MELTF: variants seen among roughly 807,000 people sequenced by gnomAD.
The protein encoded by MELTF is melanotransferrin, also known as antigen p97 (melanoma associated) identified by monoclonal antibodies 133.2 and 96.5.
MELTF carries 67 observed loss-of-function variants against 83.7 expected under a neutral mutation model. The observed-to-expected ratio is 0.80, with a 90% CI of 0.66 to 0.98. The LOEUF is 0.98. Among genes scored for constraint, MELTF ranks in the 50% least tolerant of loss-of-function variants. The probability of loss-of-function intolerance (pLI) is 0.00; values close to 1 mark genes in which losing one functional copy is unlikely to be tolerated. For synonymous variants in MELTF, 462 were observed against 447.6 expected (o/e 1.03, Z -0.41); for missense variants, 1,002 against 1,035.6 (o/e 0.97, Z 0.44).
intron 14 of MELTF, among the ~76,000 whole-genome samples, chr3:197,005,013 G>A (rs114046770): frequency 2.4e-3 from 361 of 152,130 alleles, no homozygotes; most frequent in African/African-American, 8.1e-3. Context: ...AGGAACATGC[G>A]TCAGTTCACA....
chr3:197,022,281 C>T lies in MELTF; in HGVS notation c.644+676G>A, dbSNP rs183498525. ...AGAGGGCTCTGAGGCTCCAAGAGAG[C>T]CAGAGAGAATGTGTGCATGGCCAAG... is the stretch of plus-strand genomic sequence containing the variant. On this transcript the variant is annotated intron_variant, in intron 5 of 15. Coordinates refer to ENST00000296350, the MANE Select transcript of MELTF (RefSeq NM_005929.6). The surrounding 1 kb of genome is among the most constrained non-coding windows in gnomAD (Gnocchi z 5.1). Among the ~76,000 whole-genome samples, 39 of 152,204 alleles carry T rather than the reference C, an allele frequency of 2.6e-4. No homozygotes were observed. The East Asian group carries it at 6.6e-3, about 26-fold the overall frequency.
At chr3:197,019,581 C>A (rs774221671) in intron 6 of MELTF, 39 of 1,583,480 alleles carry the variant, frequency 2.5e-5, no homozygotes, top group East Asian at 4.5e-5. Context: ...TCAAAAAAAA[C>A]CCCAAGTTTG....
At position 197,003,701 on chromosome 3, in the gene MELTF, C is replaced by A; in HGVS notation, c.2137+200G>T. The A allele has an allele frequency of 5.8e-6, 4 of 691,406 alleles. No individual in the cohort carries two copies. Among genetic ancestry groups the A allele is most frequent in the South Asian group, 5.7e-5 (3 of 52,666 alleles). The allele number at this position is 691,406 out of a possible 1,614,324, so 42.8% of individuals were successfully genotyped here. A position where few individuals can be genotyped will look rare whatever the true frequency, so the allele number is the denominator to read the frequency against. On this transcript the variant is annotated intron_variant, in intron 15 of 15. Coordinates refer to ENST00000296350, the MANE Select transcript of MELTF (RefSeq NM_005929.6). This position sits in a 1 kb window ranked among gnomAD's most constrained non-coding sequence, Gnocchi z 6.2. ...AGCGTTCACACTCATTACCCAGGTCCGTCTGGGAGACCCGCCGGGCTCCCG... is the reference window on the plus strand; with the variant it reads ...AGCGTTCACACTCATTACCCAGGTCAGTCTGGGAGACCCGCCGGGCTCCCG...
Position 197,022,451 on chromosome 3 carries a change from G to A in MELTF, c.644+506C>T, listed in dbSNP as rs980145549. On this transcript the variant is annotated intron_variant, in intron 5 of 15. Coordinates refer to ENST00000296350, the MANE Select transcript of MELTF (RefSeq NM_005929.6). This position sits in a 1 kb window ranked among gnomAD's most constrained non-coding sequence, Gnocchi z 5.1. Reference sequence around the variant, plus strand: ...TTCCCTGCTCCAGGTGGAAACGTGAGGTAGCTAGAGGGGCCCGAGAAGCTT... The same window carrying A: ...TTCCCTGCTCCAGGTGGAAACGTGAAGTAGCTAGAGGGGCCCGAGAAGCTT... Among the ~76,000 whole-genome samples, 2 of 152,220 alleles carry A rather than the reference G, an allele frequency of 1.3e-5. No homozygotes were observed. Among genetic ancestry groups the A allele is most frequent in the South Asian group, 4.1e-4 (2 of 4,828 alleles).
chr3:197,028,029 G>T, intron 1 of MELTF, 119 bp from the exon 2 acceptor site: 1 of 1,226,052 alleles, frequency 8.2e-7, no homozygotes, highest in Non-Finnish European at 1.1e-6. Context: ...GTCCTCTAGG[G>T]CAGCCCTGCC....
chr3:197,027,119 T>C (rs1195254932), intron 2 of MELTF: 2 of 267,986 alleles, frequency 7.5e-6, no homozygotes, highest in African/African-American at 4.4e-5. Flanking sequence ...CTAGCTTTTT[T>C]TCTCTAAGGT....
At chr3:197,009,562 C>G in intron 11 of MELTF, 56 bp downstream of exon 11, 1 of 1,540,470 alleles carries the variant, frequency 6.5e-7, no homozygotes. Flanking sequence ...CTGCGGGTCC[C>G]TAGCTAACCC....
rs1719621659 is a variant in MELTF, at chr3:197,021,468, G to T, written c.648C>A (p.Cys216Ter). The change falls in exon 6 of 16, where the codon TGC becomes TGA. Residue 216 changes from cysteine to a stop codon, truncating the protein, a stop_gained. Transcript: ENST00000296350. LOFTEE classifies it high-confidence loss of function. ...RYYDYSGAFR[C>*]LAEGAGDVAF... ...CCACGTCCCCTGCCCCTTCCGCCAG[G>T]CACCTGCGGAGGAGAAGCTGTGGGT... The T allele has an allele frequency of 6.2e-7, 1 of 1,613,494 alleles. No individual in the cohort carries two copies. Among genetic ancestry groups the T allele is most frequent in the Admixed American group, 1.7e-5 (1 of 60,002 alleles).
At chr3:197,020,368 C>T (rs911115830) in intron 6 of MELTF, among the ~76,000 whole-genome samples, 14 of 152,110 alleles carry the variant, frequency 9.2e-5, no homozygotes, top group Admixed American at 5.2e-4. Context: ...ATCAAAGTTG[C>T]GTGTCCTGAT....
intron 1 of MELTF, 133 bp from the exon 2 acceptor site, chr3:197,028,043 C>T: frequency 9.7e-7 from 1 of 1,030,234 alleles, no homozygotes; most frequent in Non-Finnish European, 1.4e-6. Flanking sequence ...CCCTGCCCTC[C>T]CACAGGGAGG....
chr3:197,003,635 T>A lies in MELTF; in HGVS notation c.2138-184A>T. ...TTTCCAGAAAGGCAGCACACGCATGTCTCTGCCGTGGCCCCAGATCCTCCC... is the reference window on the plus strand; with the variant it reads ...TTTCCAGAAAGGCAGCACACGCATGACTCTGCCGTGGCCCCAGATCCTCCC... On this transcript the variant is annotated intron_variant, in intron 15 of 15. Coordinates refer to ENST00000296350, the MANE Select transcript of MELTF (RefSeq NM_005929.6). The surrounding 1 kb of genome is among the most constrained non-coding windows in gnomAD (Gnocchi z 6.2). 1 of 659,682 alleles carries A rather than the reference T, an allele frequency of 1.5e-6. No homozygotes were observed. Among genetic ancestry groups the A allele is most frequent in the Non-Finnish European group, 2.5e-6 (1 of 400,844 alleles). 40.9% of individuals were successfully genotyped at this position (659,682 alleles called of 1,614,324 possible).
chr3:197,026,936 G>A, intron 2 of MELTF, 177 bp from the exon 3 acceptor site: 1 of 572,744 alleles, frequency 1.7e-6, no homozygotes, highest in Admixed American at 3.0e-5. Flanking sequence ...CCCAGGCCAG[G>A]GATTCACCTT....
intron 14 of MELTF, chr3:197,004,846 G>A (rs1393474302): frequency 6.6e-6 from 1 of 152,258 alleles, no homozygotes; most frequent in African/African-American, 2.4e-5. Context: ...CTGAAGATCT[G>A]ATGAAAGCTG....
chr3:197,015,935 C>A (rs1719353415), intron 8 of MELTF, among the ~76,000 whole-genome samples: 1 of 152,102 alleles, frequency 6.6e-6, no homozygotes, highest in Non-Finnish European at 1.5e-5. Flanking sequence ...GGCGAGGAGA[C>A]CCTTCCCAAG....
At chr3:197,026,899 A>C (rs772457939) in intron 2 of MELTF, 140 bp from the exon 3 acceptor site, 32 of 649,390 alleles carry the variant, frequency 4.9e-5, no homozygotes, top group Non-Finnish European at 7.9e-5. Flanking sequence ...CCAGGAGCCC[A>C]ACCAGAGCCC....
Position 197,029,034 on chromosome 3 carries a change from A to G in MELTF, c.49+620T>C, listed in dbSNP as rs1259129349. ...GGTGGCTTCATCGTTTGCATTGATG[A>G]GTGCGTCGCCTGCGGCCACAGCGGT... On this transcript the variant is annotated intron_variant, in intron 1 of 15. Transcript: ENST00000296350. This position sits in a 1 kb window ranked among gnomAD's most constrained non-coding sequence, Gnocchi z 6.5. The G allele has an allele frequency of 1.3e-5, 2 of 152,098 alleles. No homozygotes were observed. Among genetic ancestry groups the G allele is most frequent in the East Asian group, 3.9e-4 (2 of 5,138 alleles). The allele number at this position is 152,098 out of a possible 1,614,324, so 9.4% of individuals were successfully genotyped here.
Position 197,003,803 on chromosome 3 carries a change from C to T in MELTF, c.2137+98G>A, listed in dbSNP as rs1037814200. ...GGACTGCTGCGAACGGGCCTCCACC[C>T]GCCTCCCCGGACCCGCAGCGCCCCC... On this transcript the variant is annotated intron_variant, in intron 15 of 15. Coordinates refer to ENST00000296350, the MANE Select transcript of MELTF (RefSeq NM_005929.6). The surrounding 1 kb of genome is among the most constrained non-coding windows in gnomAD (Gnocchi z 6.2). 6 of 1,346,272 alleles carry T rather than the reference C, an allele frequency of 4.5e-6. No homozygotes were observed. The highest frequency in any genetic ancestry group is 2.7e-5 in the South Asian group (2 of 75,356). The allele number at this position is 1,346,272 out of a possible 1,614,324, so 83.4% of individuals were successfully genotyped here.
rs1719617013 is a variant in MELTF, at chr3:197,021,393, C to T, written c.712+11G>A. On this transcript the variant is annotated intron_variant, in intron 6 of 15. Coordinates refer to ENST00000296350, the MANE Select transcript of MELTF (RefSeq NM_005929.6). ...CCTGCTCCTCTGGGCCCGTGCCCCT[C>T]CCCCACTCACCATCCGTGTTCTCCA... The T allele has an allele frequency of 6.2e-7, 1 of 1,613,750 alleles. No individual in the cohort carries two copies. The highest frequency in any genetic ancestry group is 8.5e-7 in the Non-Finnish European group (1 of 1,179,864).
At chr3:197,021,585 C>T in intron 5 of MELTF, 114 bp from the exon 6 acceptor site, 5 of 941,068 alleles carry the variant, frequency 5.3e-6, no homozygotes, top group Non-Finnish European at 6.6e-6. Context: ...ATGGGCTTTC[C>T]AGTTGTGTGG....
Sources: gnomAD v4.1 joint callset for allele counts (sites outside exome capture counted in the v4.1 genomes callset) on GRCh38, gnomAD v4.1.1 for gene constraint, Gnocchi (gnomAD v3.1) non-coding constraint, MANE v1.5 for transcripts, NCBI Gene and HGNC (gene_info 2026-07-23, HGNC 2026-07-21) for gene names.